Variants in DIAPH3 observed in about 807,000 individuals in gnomAD.
The protein encoded by DIAPH3 is diaphanous related formin 3.
DIAPH3 carries 117 observed loss-of-function variants against 144.3 expected under a neutral mutation model. The observed-to-expected ratio is 0.81, with a 90% CI of 0.70 to 0.95. The LOEUF (loss-of-function observed/expected upper bound fraction) is 0.95. Ranked by LOEUF, DIAPH3 falls within the 40% of genes least tolerant of loss-of-function variation. The probability of loss-of-function intolerance (pLI) is 0.00; values close to 1 mark genes in which losing one functional copy is unlikely to be tolerated. For missense variants in DIAPH3, 1,421 were observed against 1,412.7 expected (o/e 1.01, Z -0.09); for synonymous variants, 519 against 488.9 (o/e 1.06, Z -0.81).
intron 9 of DIAPH3, among the ~76,000 whole-genome samples, chr13:59,999,679 A>G (rs371151309): frequency 6.6e-6 from 1 of 152,132 alleles, no homozygotes; most frequent in East Asian, 1.9e-4. Context: ...ATTCCCCAAC[A>G]GGCTTGTCAA....
intron 5 of DIAPH3, among the ~76,000 whole-genome samples, chr13:60,024,596 A>T (rs1482290742): frequency 6.6e-6 from 1 of 152,148 alleles, no homozygotes; most frequent in Non-Finnish European, 1.5e-5. Flanking sequence ...CATCTCTGTC[A>T]TATCAGTGTG....
intron 20 of DIAPH3, among the ~76,000 whole-genome samples, chr13:59,911,345 C>T (rs915813435): frequency 1.3e-5 from 2 of 152,084 alleles, no homozygotes; most frequent in Non-Finnish European, 2.9e-5. Context: ...GTCTAAACTA[C>T]GAGATGAATT....
At chr13:59,830,753 T>A (rs919594563) in intron 24 of DIAPH3, among the ~76,000 whole-genome samples, 4 of 151,644 alleles carry the variant, frequency 2.6e-5, no homozygotes, top group African/African-American at 9.7e-5. Flanking sequence ...CCTCTCCCAA[T>A]AGAAAAAAAG....
At chr13:59,772,503 T>TAA (rs2038172932) in intron 27 of DIAPH3, among the ~76,000 whole-genome samples, 1 of 152,112 alleles carries the variant, frequency 6.6e-6, no homozygotes, top group Non-Finnish European at 1.5e-5. Flanking sequence ...CTTAAGCCAG[T>TAA]ACACATTAGC....
intron 27 of DIAPH3, among the ~76,000 whole-genome samples, chr13:59,770,155 T>C (rs2038050630): frequency 6.6e-6 from 1 of 152,114 alleles, no homozygotes; most frequent in African/African-American, 2.4e-5. Context: ...CTTTTGATGA[T>C]AGATAACTTC....
intron 20 of DIAPH3, among the ~76,000 whole-genome samples, chr13:59,880,709 T>C (rs2044963561): frequency 6.6e-6 from 1 of 152,054 alleles, no homozygotes; most frequent in African/African-American, 2.4e-5. Context: ...AATTAGTTCT[T>C]TGTACACAAC....
At chr13:59,708,105 C>T (rs1053157742) in intron 27 of DIAPH3, among the ~76,000 whole-genome samples, 1 of 151,950 alleles carries the variant, frequency 6.6e-6, no homozygotes, top group African/African-American at 2.4e-5. Flanking sequence ...CTCTGTCACC[C>T]AAGCTGGTGT....
intron 27 of DIAPH3, among the ~76,000 whole-genome samples, chr13:59,699,029 G>A (rs1566192434): frequency 6.6e-6 from 1 of 152,192 alleles, no homozygotes; most frequent in African/African-American, 2.4e-5. Context: ...TATGGGTCAA[G>A]CTCTGTTCTA....
chr13:59,690,808 T>C (rs2033475986), intron 27 of DIAPH3, among the ~76,000 whole-genome samples: 1 of 152,200 alleles, frequency 6.6e-6, no homozygotes, highest in Non-Finnish European at 1.5e-5. Context: ...CTACCAGCCA[T>C]TGTGCTGAGG....
rs374358236 is a variant in DIAPH3 at position 59,714,338 on chromosome 13, C to G, written c.3320-47492G>C. On this transcript the variant is annotated intron_variant, in intron 27 of 27. Transcript: ENST00000400324. ...TCCCGCCACTGCACTCCAGCCTGGG[C>G]GACAGAGCGAGACTCCGTCTCAAAA... 3.9e-4 allele frequency among the ~76,000 whole-genome samples: 50 copies of G among 127,976 alleles called. No individual in the cohort carries two copies. The East Asian group carries it at 0.01, about 27-fold the overall frequency. 84.0% of individuals were successfully genotyped at this position (127,976 alleles called of 152,430 possible).
chr13:60,036,268 T>C (rs761169030), intron 5 of DIAPH3, among the ~76,000 whole-genome samples: 3 of 152,236 alleles, frequency 2.0e-5, no homozygotes, highest in Non-Finnish European at 4.4e-5. Flanking sequence ...ATGTAGTTAA[T>C]ATATCAAAGA....
intron 4 of DIAPH3, among the ~76,000 whole-genome samples, chr13:60,047,152 T>C (rs1437295104): frequency 6.6e-6 from 1 of 151,922 alleles, no homozygotes; most frequent in Non-Finnish European, 1.5e-5. Flanking sequence ...GAAATACCTA[T>C]AGATAAAACT....
At chr13:60,065,602 T>C (rs372588828) in intron 4 of DIAPH3, among the ~76,000 whole-genome samples, 51 of 152,300 alleles carry the variant, frequency 3.3e-4, no homozygotes, top group African/African-American at 1.1e-3. Flanking sequence ...TACACTGCTG[T>C]TACAGTATCT....
chr13:59,858,779 A>G (rs1284885529), intron 22 of DIAPH3, among the ~76,000 whole-genome samples: 1 of 152,206 alleles, frequency 6.6e-6, no homozygotes, highest in South Asian at 2.1e-4. Context: ...CAGAAATACA[A>G]TAATGACTAA....
At chr13:59,820,287 C>T (rs1030263688) in intron 24 of DIAPH3, among the ~76,000 whole-genome samples, 15 of 151,752 alleles carry the variant, frequency 9.9e-5, no homozygotes, top group Admixed American at 7.9e-4. Flanking sequence ...ATGGTTGCAT[C>T]CAATACAAGC....
chr13:59,917,665 C>A (rs1244601767), intron 18 of DIAPH3, among the ~76,000 whole-genome samples: 1 of 151,652 alleles, frequency 6.6e-6, no homozygotes, highest in African/African-American at 2.4e-5. Context: ...CAGAGGCAGG[C>A]GGATCACGAG....
intron 1 of DIAPH3, among the ~76,000 whole-genome samples, chr13:60,162,783 ACT>A (rs148955859): frequency 0.069 from 9,172 of 132,512 alleles, 600 homozygotes; most frequent in African/African-American, 0.17. Flanking sequence ...CAAATGCTGT[ACT>A]CTCTCTCTCT....
Position 59,891,360 on chromosome 13 carries a change from G to T in DIAPH3, c.2368-11892C>A, listed in dbSNP as rs150061371. Among the ~76,000 whole-genome samples, 515 of 151,394 alleles carry T rather than the reference G, an allele frequency of 3.4e-3. 3 individuals are homozygous for T. Among genetic ancestry groups the T allele is most frequent in the African/African-American group, 0.012 (491 of 41,304 alleles). ...TTTTCCAAATGAAAGAAATTAAGCA[G>T]ATTGTGCCATAAAATTTCAACACTA... On this transcript the variant is annotated intron_variant, in intron 20 of 27. Coordinates refer to ENST00000400324, the MANE Select transcript of DIAPH3 (RefSeq NM_001042517.2).
chr13:60,154,557 T>C (rs547033822), intron 1 of DIAPH3, among the ~76,000 whole-genome samples: 1 of 152,194 alleles, frequency 6.6e-6, no homozygotes, highest in Non-Finnish European at 1.5e-5. Context: ...ACTAGTAACA[T>C]GAATGTTTCA....
Sources: allele counts gnomAD v4.1 joint callset (sites outside exome capture counted in the v4.1 genomes callset), GRCh38; gene constraint gnomAD v4.1.1; transcripts MANE v1.5; gene names NCBI Gene and HGNC (gene_info 2026-07-23, HGNC 2026-07-21).